Variants in PLXDC2 observed in about 807,000 individuals in gnomAD.
The protein encoded by PLXDC2 is plexin domain-containing protein 2.
PLXDC2 carries 40 observed loss-of-function variants against 68.9 expected under a neutral mutation model. That is an observed-to-expected ratio of 0.58 (90% CI 0.45 to 0.76). The LOEUF (loss-of-function observed/expected upper bound fraction) is 0.76. Among genes scored for constraint, PLXDC2 ranks in the 30% least tolerant of loss-of-function variants. PLXDC2 has a pLI of 0.00. For missense variants in PLXDC2, 644 were observed against 661.9 expected, an observed-to-expected ratio of 0.97 and a Z score of 0.30; for synonymous variants, 243 against 234.2, an observed-to-expected ratio of 1.04 and a Z score of -0.34.
rs544248867 is a variant in PLXDC2 at position 19,853,305 on chromosome 10, A to G, written c.112+36114A>G. On this transcript the variant is annotated intron_variant, in intron 1 of 13. Transcript: ENST00000377252. ...AAGAACTGCAAAGAATGTGAACATTATTTTCTCTTTGCTGAAGAGTGCATG... is the reference window on the plus strand; with the variant it reads ...AAGAACTGCAAAGAATGTGAACATTGTTTTCTCTTTGCTGAAGAGTGCATG... 5.3e-5 allele frequency among the ~76,000 whole-genome samples: 8 copies of G among 152,166 alleles called. No individual in the cohort carries two copies. The South Asian group carries it at 1.7e-3, about 32-fold the overall frequency.
chr10:19,979,745 G>C (rs1834519500), intron 1 of PLXDC2, among the ~76,000 whole-genome samples: 2 of 152,136 alleles, frequency 1.3e-5, no homozygotes, highest in South Asian at 4.1e-4. Context: ...CTCTCTAAAG[G>C]TACCACTTGA....
At chr10:20,220,663 T>A (rs1017366622) in intron 12 of PLXDC2, among the ~76,000 whole-genome samples, 1 of 152,058 alleles carries the variant, frequency 6.6e-6, no homozygotes, top group African/African-American at 2.4e-5. Context: ...AATTCATTCA[T>A]TCATTGATTT....
At chr10:19,846,399 AAAAG>A (rs1837011176) in intron 1 of PLXDC2, among the ~76,000 whole-genome samples, 1 of 152,192 alleles carries the variant, frequency 6.6e-6, no homozygotes, top group Non-Finnish European at 1.5e-5. Flanking sequence ...CGAGGAGGGA[AAAAG>A]AAAGTCAAGT....
intron 1 of PLXDC2, among the ~76,000 whole-genome samples, chr10:19,882,778 C>T (rs1317909702): frequency 6.6e-6 from 1 of 152,128 alleles, no homozygotes; most frequent in Admixed American, 6.5e-5. Flanking sequence ...TCTGACAAGG[C>T]CAGCGAAGAT....
intron 1 of PLXDC2, among the ~76,000 whole-genome samples, chr10:19,850,295 G>A (rs1443872216): frequency 6.9e-6 from 1 of 145,162 alleles, no homozygotes; most frequent in Admixed American, 6.9e-5. Context: ...TTTTTTTTTA[G>A]ATACACACAC....
At chr10:20,006,014 A>T (rs890214691) in intron 2 of PLXDC2, among the ~76,000 whole-genome samples, 4 of 152,044 alleles carry the variant, frequency 2.6e-5, no homozygotes, top group African/African-American at 7.2e-5. Context: ...ACAAGGTGAA[A>T]CGTCATCTCT....
intron 1 of PLXDC2, among the ~76,000 whole-genome samples, chr10:19,821,580 A>G (rs531618578): frequency 1.3e-5 from 2 of 152,348 alleles, no homozygotes; most frequent in African/African-American, 2.4e-5. Context: ...GCAACAACCA[A>G]TAAATAGTTG....
At chr10:19,820,760 C>T (rs563163977) in intron 1 of PLXDC2, among the ~76,000 whole-genome samples, 64 of 151,724 alleles carry the variant, frequency 4.2e-4, no homozygotes, top group Admixed American at 1.1e-3. Flanking sequence ...AGTTGATCAA[C>T]AGCCTTGATC....
At chr10:20,160,750 GA>G (rs1165774170) in intron 6 of PLXDC2, among the ~76,000 whole-genome samples, 11 of 151,502 alleles carry the variant, frequency 7.3e-5, no homozygotes, top group Admixed American at 5.9e-4. Context: ...ACAGAAGAAT[GA>G]AAAAAAAATG....
At chr10:20,098,667 GT>G (rs1447196531) in intron 4 of PLXDC2, among the ~76,000 whole-genome samples, 1 of 152,110 alleles carries the variant, frequency 6.6e-6, no homozygotes, top group Non-Finnish European at 1.5e-5. Context: ...TCCTGATATT[GT>G]TCAAGATGGC....
chr10:19,966,370 A>AAATATATATATGTGCACATATAT (rs1834253414), intron 1 of PLXDC2, among the ~76,000 whole-genome samples: 1 of 133,484 alleles, frequency 7.5e-6, no homozygotes, highest in African/African-American at 2.8e-5. Flanking sequence ...CACATATATA[A>AAATATATATATGTGCACATATAT]AAAATATATA....
At chr10:20,197,113 T>C (rs1834850529) in intron 9 of PLXDC2, among the ~76,000 whole-genome samples, 1 of 152,164 alleles carries the variant, frequency 6.6e-6, no homozygotes, top group South Asian at 2.1e-4. Flanking sequence ...TGTTGTTTAA[T>C]GGAATAGTCA....
intron 1 of PLXDC2, among the ~76,000 whole-genome samples, chr10:19,867,760 G>A (rs1303149104): frequency 2.6e-5 from 4 of 152,020 alleles, no homozygotes; most frequent in South Asian, 2.1e-4. Flanking sequence ...CACCAGTCTC[G>A]GGGTATTCTC....
intron 4 of PLXDC2, among the ~76,000 whole-genome samples, chr10:20,136,468 A>G (rs942885745): frequency 6.6e-6 from 1 of 152,210 alleles, no homozygotes; most frequent in Non-Finnish European, 1.5e-5. Flanking sequence ...AAGTTGTTCA[A>G]GCAACTTGTC....
intron 1 of PLXDC2, among the ~76,000 whole-genome samples, chr10:19,951,393 A>G (rs1175427244): frequency 1.3e-5 from 2 of 152,206 alleles, no homozygotes; most frequent in African/African-American, 4.8e-5. Context: ...GCCAACAAAC[A>G]TATGAAAAAA....
intron 2 of PLXDC2, among the ~76,000 whole-genome samples, chr10:20,018,043 C>G (rs901784961): frequency 8.5e-5 from 13 of 152,208 alleles, no homozygotes; most frequent in African/African-American, 1.7e-4. Context: ...CCTAGTTTCT[C>G]CAGAGACATC....
chr10:20,159,473 C>T (rs1275716543), intron 6 of PLXDC2, among the ~76,000 whole-genome samples: 1 of 152,116 alleles, frequency 6.6e-6, no homozygotes, highest in African/African-American at 2.4e-5. Flanking sequence ...ATGGCACCTT[C>T]TCTTACCTGG....
rs189198908 is a variant in PLXDC2, at chr10:19,981,984, A to G, written c.113-19791A>G. On this transcript the variant is annotated intron_variant, in intron 1 of 13. Coordinates refer to ENST00000377252, the MANE Select transcript of PLXDC2 (RefSeq NM_032812.9). ...GCTGGTCAGTCCAGTGAGGCAATGCATGTGAAAACACCCACAGCCCTTTGA... is the reference window on the plus strand; with the variant it reads ...GCTGGTCAGTCCAGTGAGGCAATGCGTGTGAAAACACCCACAGCCCTTTGA... 3.8e-3 allele frequency among the ~76,000 whole-genome samples: 586 copies of G among 152,326 alleles called. 4 individuals are homozygous for G. The highest frequency in any genetic ancestry group is 0.013 in the African/African-American group (557 of 41,580).
At chr10:19,826,567 T>C (rs1408984337) in intron 1 of PLXDC2, among the ~76,000 whole-genome samples, 2 of 152,226 alleles carry the variant, frequency 1.3e-5, no homozygotes, top group African/African-American at 4.8e-5. Context: ...CAAATTTTAT[T>C]TCACATTTTA....
Sources: gnomAD v4.1 joint callset for allele counts (sites outside exome capture counted in the v4.1 genomes callset) on GRCh38, gnomAD v4.1.1 for gene constraint, MANE v1.5 for transcripts, NCBI Gene and HGNC (gene_info 2026-07-23, HGNC 2026-07-21) for gene names.